Variants in ICOS observed in about 807,000 individuals in gnomAD.
The protein encoded by ICOS is inducible T-cell costimulator.
ICOS carries 15 observed loss-of-function variants against 24.6 expected under a neutral mutation model. That is an observed-to-expected ratio of 0.61 (90% CI 0.41 to 0.94). The LOEUF is 0.94. Ranked by LOEUF, ICOS falls within the 40% of genes least tolerant of loss-of-function variation. The probability of loss-of-function intolerance (pLI) is 0.00; values close to 1 mark genes in which losing one functional copy is unlikely to be tolerated. For synonymous variants in ICOS, 89 were observed against 77.5 expected, an observed-to-expected ratio of 1.15 and a Z score of -0.78; for missense variants, 200 against 233.0, an observed-to-expected ratio of 0.86 and a Z score of 0.92.
Position 203,959,670 on chromosome 2 carries a change from T to C in ICOS, c.*71T>C. 2 of 1,407,270 alleles carry C rather than the reference T, an allele frequency of 1.4e-6. No homozygotes were observed. Among genetic ancestry groups the C allele is most frequent in the Non-Finnish European group, 2.0e-6 (2 of 992,124 alleles). 87.2% of individuals were successfully genotyped at this position (1,407,270 alleles called of 1,614,324 possible). ...CTCAACTTGAAGTGCAAGATTCTCT[T>C]ATTTCCGGGACCACGGAGAGTCTGA... On this transcript the variant is annotated 3_prime_UTR_variant, in exon 5 of 5. Coordinates refer to ENST00000316386, the MANE Select transcript of ICOS (RefSeq NM_012092.4).
intron 1 of ICOS, among the ~76,000 whole-genome samples, chr2:203,951,255 A>G (rs905981204): frequency 1.3e-5 from 2 of 152,182 alleles, no homozygotes; most frequent in Non-Finnish European, 2.9e-5. Flanking sequence ...ATAGCCCATT[A>G]TGATATTGAG....
intron 1 of ICOS, among the ~76,000 whole-genome samples, chr2:203,940,557 T>C (rs1689748695): frequency 6.6e-6 from 1 of 152,124 alleles, no homozygotes; most frequent in African/African-American, 2.4e-5. Flanking sequence ...ATAGGAGTCC[T>C]GGATGGCAGC....
intron 1 of ICOS, among the ~76,000 whole-genome samples, chr2:203,941,512 A>C (rs1185388024): frequency 1.3e-5 from 2 of 152,226 alleles, no homozygotes; most frequent in African/African-American, 2.4e-5. Context: ...ACAGTTGTAA[A>C]CAGCAAAATC....
chr2:203,951,865 A>G (rs1321318169), intron 1 of ICOS, among the ~76,000 whole-genome samples: 3 of 152,214 alleles, frequency 2.0e-5, no homozygotes, highest in Non-Finnish European at 4.4e-5. Context: ...TGTCAGACAA[A>G]TAAAGCCCCA....
At chr2:203,959,455 AGTGT>A (rs34098976) in intron 4 of ICOS, 127 bp from the exon 5 acceptor site, 25,789 of 695,404 alleles carry the variant, frequency 0.037, 236 homozygotes, top group Middle Eastern at 0.077. Context: ...TGTGTGTGTG[AGTGT>A]GTGTGTGTGT....
In ICOS at chr2:203,951,085, A is replaced by G. The variant is rs576602837; in HGVS notation, c.59-4551A>G. Among the ~76,000 whole-genome samples the G allele has an allele frequency of 4.6e-5, 7 of 152,178 alleles. No homozygotes were observed. In the South Asian group the frequency reaches 1.0e-3, roughly 23 times the overall value. ...TCAAAAAAAAAAAAAAGAGTGTCCA[A>G]TAGAAATGACACTCTGAAATCTTCA... On this transcript the variant is annotated intron_variant, in intron 1 of 4. Coordinates refer to ENST00000316386, the MANE Select transcript of ICOS (RefSeq NM_012092.4).
intron 1 of ICOS, among the ~76,000 whole-genome samples, chr2:203,945,705 T>A (rs2105747750): frequency 6.6e-6 from 1 of 152,288 alleles, no homozygotes; most frequent in East Asian, 1.9e-4. Context: ...CATTAAAAAT[T>A]TCTGTATTAT....
intron 1 of ICOS, among the ~76,000 whole-genome samples, chr2:203,941,442 T>C (rs1431602416): frequency 6.6e-6 from 1 of 152,218 alleles, no homozygotes; most frequent in Non-Finnish European, 1.5e-5. Context: ...GAAATTCTTA[T>C]ATTTACTCAC....
At chr2:203,955,012 T>A (rs1690053356) in intron 1 of ICOS, among the ~76,000 whole-genome samples, 1 of 152,042 alleles carries the variant, frequency 6.6e-6, no homozygotes, top group Non-Finnish European at 1.5e-5. Flanking sequence ...TATTTACTCA[T>A]CAGAAGTACA....
chr2:203,951,605 TG>T (rs1010212309), intron 1 of ICOS, among the ~76,000 whole-genome samples: 64 of 152,136 alleles, frequency 4.2e-4, no homozygotes, highest in African/African-American at 1.5e-3. Context: ...GCGGGCACAA[TG>T]GGGGAAAAAT....
chr2:203,944,943 A>G lies in ICOS; in HGVS notation c.58+8071A>G, dbSNP rs1689842281. Among the ~76,000 whole-genome samples the G allele has an allele frequency of 5.9e-5, 9 of 152,370 alleles. No individual in the cohort carries two copies. The South Asian group carries it at 1.9e-3, about 32-fold the overall frequency. ...TATTTTAGTTCATGGTAACAGAAAT[A>G]ATGAAATGTGAAGCATATTCTAGTA... On this transcript the variant is annotated intron_variant, in intron 1 of 4. Transcript: ENST00000316386.
chr2:203,956,708 A>T lies in ICOS; in HGVS notation c.444A>T (p.Ala148=), dbSNP rs764717584. 1.9e-6 allele frequency: 3 copies of T among 1,613,608 alleles called. No individual in the cohort carries two copies. In the East Asian group the frequency reaches 6.7e-5, roughly 36 times the overall value. ...AGTTCTGGTTACCCATAGGATGTGCAGCCTTTGTTGTAGTCTGCATTTTGG... is the reference window on the plus strand; with the variant it reads ...AGTTCTGGTTACCCATAGGATGTGCTGCCTTTGTTGTAGTCTGCATTTTGG... ...QLKFWLPIGC[A]AFVVVCILGC... The change falls in exon 3 of 5, where the codon GCA becomes GCT. Residue 148 remains alanine, a synonymous_variant. Coordinates refer to ENST00000316386, the MANE Select transcript of ICOS (RefSeq NM_012092.4).
chr2:203,956,698 T>C lies in ICOS; in HGVS notation c.434T>C (p.Ile145Thr), dbSNP rs1690083018. ...TGCCAGCTGAAGTTCTGGTTACCCATAGGATGTGCAGCCTTTGTTGTAGTC... is the reference window on the plus strand; with the variant it reads ...TGCCAGCTGAAGTTCTGGTTACCCACAGGATGTGCAGCCTTTGTTGTAGTC... ...LCCQLKFWLP[I>T]GCAAFVVVCI... The change falls in exon 3 of 5, where the codon ATA (isoleucine) becomes ACA (threonine). Residue 145 changes from isoleucine (I) to threonine (T), a missense_variant. By Grantham distance (89) the Ile-to-Thr change is moderately conservative. Transcript: ENST00000316386. The C allele has an allele frequency of 6.2e-7, 1 of 1,613,524 alleles. No homozygotes were observed. The highest frequency in any genetic ancestry group is 1.1e-5 in the South Asian group (1 of 91,072).
intron 1 of ICOS, among the ~76,000 whole-genome samples, chr2:203,939,002 A>G (rs1210457525): frequency 6.6e-6 from 1 of 152,234 alleles, no homozygotes; most frequent in African/African-American, 2.4e-5. Flanking sequence ...AGCCAAACTC[A>G]AGTAAACTAA....
chr2:203,959,957 C>G lies in ICOS; in HGVS notation c.*358C>G, dbSNP rs746035335. 3.5e-5 allele frequency: 13 copies of G among 371,426 alleles called. No homozygotes were observed. Among genetic ancestry groups the G allele is most frequent in the Non-Finnish European group, 6.7e-5 (13 of 193,614 alleles). 23.0% of individuals were successfully genotyped at this position (371,426 alleles called of 1,614,324 possible). On this transcript the variant is annotated 3_prime_UTR_variant, in exon 5 of 5. Transcript: ENST00000316386. The stretch of plus-strand genomic sequence containing the variant: ...AAATGTTTTAAAGATGCCAGGGGTA[C>G]TGAATCTGCAAAGCAAATGAGCAGC...
chr2:203,938,396 T>C, intron 1 of ICOS, among the ~76,000 whole-genome samples: 1 of 151,990 alleles, frequency 6.6e-6, no homozygotes, highest in East Asian at 1.9e-4. Context: ...TGAGGTAAGG[T>C]TAGGGAACTA....
At chr2:203,940,448 T>C (rs1362963915) in intron 1 of ICOS, among the ~76,000 whole-genome samples, 1 of 152,192 alleles carries the variant, frequency 6.6e-6, no homozygotes, top group African/African-American at 2.4e-5. Context: ...ATCAGAAGAC[T>C]TCTCTTATTT....
At chr2:203,959,554 T>C in intron 4 of ICOS, 32 bp from the exon 5 acceptor site, 6 of 1,603,288 alleles carry the variant, frequency 3.7e-6, no homozygotes, top group Non-Finnish European at 5.1e-6. Context: ...ATGGAGAGCA[T>C]TTAGATAATT....
chr2:203,955,496 G>A (rs1690062003), intron 1 of ICOS, 140 bp from the exon 2 acceptor site: 4 of 700,842 alleles, frequency 5.7e-6, no homozygotes, highest in Non-Finnish European at 7.5e-6. Context: ...GAGGGGTGGA[G>A]GGAGAATGTG....
Sources: allele counts gnomAD v4.1 joint callset (sites outside exome capture counted in the v4.1 genomes callset), GRCh38; gene constraint gnomAD v4.1.1; transcripts MANE v1.5; gene names NCBI Gene and HGNC (gene_info 2026-07-23, HGNC 2026-07-21).